SLIT2: variants seen among roughly 807,000 people sequenced by gnomAD.
The protein encoded by SLIT2 is slit guidance ligand 2.
SLIT2 carries 41 observed loss-of-function variants against 185.7 expected under a neutral mutation model. That is an observed-to-expected ratio of 0.22 (90% CI 0.17 to 0.29). SLIT2 has a LOEUF of 0.29. SLIT2 is among the 10% of genes least tolerant of loss of function. The pLI, the probability that SLIT2 is intolerant of heterozygous loss-of-function variation, is 1.00. For missense variants in SLIT2, 1,571 were observed against 1,909.0 expected, an observed-to-expected ratio of 0.82 and a Z score of 3.30; for synonymous variants, 693 against 680.2, an observed-to-expected ratio of 1.02 and a Z score of -0.29.
At chr4:20,554,173 C>G in intron 26 of SLIT2, 1 of 606,658 alleles carries the variant, frequency 1.6e-6, no homozygotes, top group Admixed American at 2.7e-5. Context: ...AGAAATAGTC[C>G]ATTGGTAATG....
intron 4 of SLIT2, among the ~76,000 whole-genome samples, chr4:20,461,947 A>AC (rs1466549897): frequency 1.3e-5 from 2 of 152,220 alleles, no homozygotes; most frequent in East Asian, 3.9e-4. Flanking sequence ...TCTACCAGTG[A>AC]CCATGGCAGT....
At chr4:20,411,643 T>G (rs1251384848) in intron 4 of SLIT2, among the ~76,000 whole-genome samples, 2 of 152,210 alleles carry the variant, frequency 1.3e-5, no homozygotes. Context: ...CATATTAGTC[T>G]GTGATAGAGC....
intron 4 of SLIT2, among the ~76,000 whole-genome samples, chr4:20,307,053 C>T (rs1717614759): frequency 6.6e-6 from 1 of 150,958 alleles, no homozygotes; most frequent in Non-Finnish European, 1.5e-5. Context: ...TACCTTCCTT[C>T]CTTCCTTCCT....
At position 20,484,412 on chromosome 4, in the gene SLIT2, C is replaced by G. The variant is rs1038105179; in HGVS notation, c.540-1788C>G. Among the ~76,000 whole-genome samples, 3 of 152,138 alleles carry G rather than the reference C, an allele frequency of 2.0e-5. No homozygotes were observed. Among genetic ancestry groups the G allele is most frequent in the Non-Finnish European group, 4.4e-5 (3 of 67,998 alleles). On this transcript the variant is annotated intron_variant, in intron 6 of 36. Transcript: ENST00000504154. This position sits in a 1 kb window ranked among gnomAD's most constrained non-coding sequence, Gnocchi z 4.3. ...AAAGCTCTTAGGTAAACTGAGCCAA[C>G]AAATCCAGTGCTCTGTAGGTCCCCC...
At chr4:20,288,118 T>C (rs1715447163) in intron 4 of SLIT2, among the ~76,000 whole-genome samples, 1 of 152,336 alleles carries the variant, frequency 6.6e-6, no homozygotes, top group Middle Eastern at 3.4e-3. Flanking sequence ...TCATGGCTGT[T>C]ATTGTATGCC....
intron 4 of SLIT2, among the ~76,000 whole-genome samples, chr4:20,406,975 A>G (rs771971111): frequency 1.3e-5 from 2 of 152,150 alleles, no homozygotes; most frequent in Non-Finnish European, 2.9e-5. Flanking sequence ...TCATATAACA[A>G]TAAACAAATA....
rs751731524 is a variant in SLIT2, at chr4:20,539,411, T to C, written c.1833-30T>C. On this transcript the variant is annotated intron_variant, in intron 18 of 36. Coordinates refer to ENST00000504154, the MANE Select transcript of SLIT2 (RefSeq NM_004787.4). The stretch of plus-strand genomic sequence containing the variant: ...AAAATTGATTGCCTGATGCTTTGTC[T>C]CCATAACAATGTCCTTTTTTTCCCC... 1.9e-6 allele frequency: 3 copies of C among 1,599,974 alleles called. No homozygotes were observed. The East Asian group carries it at 6.8e-5, about 36-fold the overall frequency.
chr4:20,336,316 T>G (rs888569992), intron 4 of SLIT2, among the ~76,000 whole-genome samples: 21 of 152,126 alleles, frequency 1.4e-4, no homozygotes, highest in African/African-American at 4.6e-4. Flanking sequence ...ATTAAGAAAA[T>G]GTGGCACATA....
chr4:20,472,276 CTATA>C (rs373745680), intron 5 of SLIT2, among the ~76,000 whole-genome samples: 14 of 21,654 alleles, frequency 6.5e-4, no homozygotes, highest in Admixed American at 2.8e-3. Context: ...AGATATATAT[CTATA>C]TATATAGATA....
At chr4:20,283,012 A>T (rs572040479) in intron 4 of SLIT2, among the ~76,000 whole-genome samples, 1 of 152,308 alleles carries the variant, frequency 6.6e-6, no homozygotes, top group African/African-American at 2.4e-5. Flanking sequence ...GCCTTGAGAA[A>T]TAGAAGAACT....
chr4:20,319,905 A>G (rs993012229), intron 4 of SLIT2, among the ~76,000 whole-genome samples: 2 of 152,126 alleles, frequency 1.3e-5, no homozygotes, highest in Non-Finnish European at 2.9e-5. Flanking sequence ...TCTTTCTAAT[A>G]AAGATGTTTC....
chr4:20,491,750 T>C lies in SLIT2; in HGVS notation c.776-11T>C, dbSNP rs753438831. 2.5e-6 allele frequency: 4 copies of C among 1,605,834 alleles called. No individual in the cohort carries two copies. In the African/African-American group the frequency reaches 5.4e-5, roughly 22 times the overall value. ...GAGGAAAAATATAATTCCTGTTTATTTCTTTTTTAGGTCACCAGTCATTTA... is the reference window on the plus strand; with the variant it reads ...GAGGAAAAATATAATTCCTGTTTATCTCTTTTTTAGGTCACCAGTCATTTA... On this transcript the variant is annotated splice_polypyrimidine_tract_variant and intron_variant, in intron 8 of 36. Coordinates refer to ENST00000504154, the MANE Select transcript of SLIT2 (RefSeq NM_004787.4).
intron 4 of SLIT2, among the ~76,000 whole-genome samples, chr4:20,318,302 T>C (rs372409558): frequency 5.9e-5 from 9 of 152,266 alleles, no homozygotes; most frequent in African/African-American, 2.2e-4. Flanking sequence ...ACAAAGAAGC[T>C]CGGGCCTAGC....
At chr4:20,390,143 G>C (rs1725300003) in intron 4 of SLIT2, among the ~76,000 whole-genome samples, 2 of 152,048 alleles carry the variant, frequency 1.3e-5, no homozygotes, top group East Asian at 1.9e-4. Context: ...CTAGAGACTT[G>C]GATCACTTTT....
At chr4:20,378,903 T>C (rs1201238570) in intron 4 of SLIT2, among the ~76,000 whole-genome samples, 2 of 152,080 alleles carry the variant, frequency 1.3e-5, no homozygotes, top group Admixed American at 6.6e-5. Flanking sequence ...TATTATTCAG[T>C]GCTAAAGAGA....
chr4:20,341,546 A>C (rs574340602), intron 4 of SLIT2, among the ~76,000 whole-genome samples: 1 of 152,344 alleles, frequency 6.6e-6, no homozygotes, highest in Non-Finnish European at 1.5e-5. Context: ...AGCAGGAGTG[A>C]GTGGAGAAAT....
At chr4:20,399,609 G>A (rs1726188934) in intron 4 of SLIT2, among the ~76,000 whole-genome samples, 1 of 151,736 alleles carries the variant, frequency 6.6e-6, no homozygotes, top group Admixed American at 6.6e-5. Flanking sequence ...AGTACCTAAT[G>A]CATATCAATC....
At chr4:20,353,272 GA>G (rs1180151643) in intron 4 of SLIT2, among the ~76,000 whole-genome samples, 2 of 151,708 alleles carry the variant, frequency 1.3e-5, no homozygotes, top group Non-Finnish European at 2.9e-5. Context: ...AACTTCACAG[GA>G]AAAAAAGGAG....
intron 4 of SLIT2, among the ~76,000 whole-genome samples, chr4:20,398,524 A>C (rs955250971): frequency 2.6e-5 from 4 of 151,774 alleles, no homozygotes; most frequent in Admixed American, 1.3e-4. Context: ...TTATGGCCAG[A>C]ATTTTGGAGG....
Sources: gnomAD v4.1 joint callset for allele counts (sites outside exome capture counted in the v4.1 genomes callset) on GRCh38, gnomAD v4.1.1 for gene constraint, Gnocchi (gnomAD v3.1) non-coding constraint, MANE v1.5 for transcripts, NCBI Gene and HGNC (gene_info 2026-07-23, HGNC 2026-07-21) for gene names.